Variants in DNASE1 observed in about 807,000 individuals in gnomAD.
DNASE1 encodes deoxyribonuclease 1.
Under a neutral mutation model 33.9 loss-of-function variants are expected in DNASE1, and 40 were observed. The ratio of observed to expected loss-of-function variants is 1.18; its 90% CI spans 0.92 to 1.54. The LOEUF (loss-of-function observed/expected upper bound fraction) is 1.54. Ranked by LOEUF, DNASE1 falls within the 40% of genes most tolerant of loss-of-function variation. DNASE1 has a pLI of 0.00. For synonymous variants in DNASE1, 216 were observed against 160.0 expected (o/e 1.35, Z -2.64); for missense variants, 518 against 372.6 (o/e 1.39, Z -3.21).
chr16:3,656,801 C>T (rs2042675948), intron 5 of DNASE1, 48 bp downstream of exon 5: 3 of 1,556,062 alleles, frequency 1.9e-6, no homozygotes, highest in Non-Finnish European at 8.7e-7. Flanking sequence ...CGCTTATGGC[C>T]TCCACCCCCT....
In DNASE1 at chr16:3,664,038, G is replaced by C. The variant is rs1596694785; in HGVS notation, c.*6085G>C. On this transcript the variant is annotated 3_prime_UTR_variant, in exon 10 of 10. Coordinates refer to the DNASE1 transcript ENST00000407479. ...AGATCGCACCACTGCACTCTAGCCT[G>C]GGCGAGAGAGCAAGACTCCATCTCA... 3 of 474,948 alleles carry C rather than the reference G, an allele frequency of 6.3e-6. No individual in the cohort carries two copies. The East Asian group carries it at 1.2e-4, about 18-fold the overall frequency. The allele number at this position is 474,948 out of a possible 1,614,324, so 29.4% of individuals were successfully genotyped here.
At chr16:3,647,105 G>A (rs889918260) in intron 1 of DNASE1, among the ~76,000 whole-genome samples, 5 of 152,154 alleles carry the variant, frequency 3.3e-5, no homozygotes, top group South Asian at 2.1e-4. Context: ...GTGACCAGAC[G>A]GTGTTTCTAA....
upstream of DNASE1, chr16:3,654,374 A>G (rs935214971): frequency 2.5e-6 from 1 of 398,784 alleles, no homozygotes. Flanking sequence ...CCTCCTGCAG[A>G]GTTGCCTGCA....
intron 1 of DNASE1, among the ~76,000 whole-genome samples, chr16:3,624,556 A>G (rs1182846817): frequency 2.0e-5 from 3 of 152,190 alleles, no homozygotes; most frequent in Non-Finnish European, 4.4e-5. Flanking sequence ...ACTGTGTACT[A>G]TACCTGGAGC....
intron 1 of DNASE1, among the ~76,000 whole-genome samples, chr16:3,633,416 T>C (rs1316196687): frequency 3.3e-5 from 5 of 152,078 alleles, no homozygotes; most frequent in Non-Finnish European, 7.4e-5. Context: ...AGACCAGCCT[T>C]GCTAACATGG....
downstream of DNASE1, chr16:3,662,485 G>C: frequency 1.9e-6 from 1 of 520,826 alleles, no homozygotes; most frequent in Non-Finnish European, 3.5e-6. Context: ...AGCTAGACAG[G>C]TTGGTGGGGG....
At chr16:3,663,925 T>C (rs576010439) in exon 10 of DNASE1, 62 of 358,622 alleles carry the variant, frequency 1.7e-4, no homozygotes, top group African/African-American at 1.1e-3. Flanking sequence ...TTGCTGGGTG[T>C]GGTGGTGTGC....
intron 1 of DNASE1, among the ~76,000 whole-genome samples, chr16:3,624,308 G>C (rs2041428780): frequency 1.3e-5 from 2 of 151,514 alleles, no homozygotes; most frequent in African/African-American, 4.8e-5. Flanking sequence ...TGTGTCCTTG[G>C]TTAGCAAGGT....
chr16:3,651,170 T>C (rs960081089), upstream of DNASE1: 3 of 152,220 alleles, frequency 2.0e-5, no homozygotes, highest in African/African-American at 7.2e-5. Flanking sequence ...CCACCAGCGT[T>C]CCTTTGAGGC....
intron 1 of DNASE1, among the ~76,000 whole-genome samples, chr16:3,618,718 A>T (rs950993957): frequency 6.6e-6 from 1 of 152,216 alleles, no homozygotes; most frequent in African/African-American, 2.4e-5. Context: ...AACAAGAATG[A>T]AACTCCGTCA....
At chr16:3,615,699 A>T (rs2041076854) in intron 1 of DNASE1, among the ~76,000 whole-genome samples, 1 of 152,142 alleles carries the variant, frequency 6.6e-6, no homozygotes, top group African/African-American at 2.4e-5. Flanking sequence ...TTCCAAATAG[A>T]TGTGCTGTTT....
At chr16:3,615,682 T>A (rs1333211679) in intron 1 of DNASE1, among the ~76,000 whole-genome samples, 2 of 152,176 alleles carry the variant, frequency 1.3e-5, no homozygotes, top group East Asian at 3.8e-4. Flanking sequence ...ATGAAAAAAC[T>A]GTGTTATTCC....
chr16:3,634,390 G>A (rs1040699522), intron 1 of DNASE1, among the ~76,000 whole-genome samples: 3 of 151,144 alleles, frequency 2.0e-5, no homozygotes, highest in Non-Finnish European at 1.5e-5. Flanking sequence ...CACCATGCCC[G>A]GCTCATTTTT....
intron 2 of DNASE1, 34 bp downstream of exon 2, chr16:3,655,554 G>A (rs941339218): frequency 6.2e-6 from 10 of 1,613,596 alleles, no homozygotes; most frequent in Non-Finnish European, 8.5e-6. Flanking sequence ...CAAAAGCAGA[G>A]GAGCTCTGGA....
intron 1 of DNASE1, among the ~76,000 whole-genome samples, chr16:3,648,104 G>T (rs1319219107): frequency 2.0e-5 from 3 of 152,168 alleles, no homozygotes; most frequent in Admixed American, 6.5e-5. Context: ...GGAGGCCGGA[G>T]GTTGCAGTGA....
In DNASE1 at chr16:3,656,123, C is replaced by T. The variant is rs2042595571; in HGVS notation, c.258C>T (p.His86=). 1.9e-6 allele frequency: 3 copies of T among 1,614,118 alleles called. No homozygotes were observed. The East Asian group carries it at 6.7e-5, about 36-fold the overall frequency. ...NLNQDAPDTY[H]YVVSEPLGRN... Reference sequence around the variant, plus strand: ...CCAGGGATGCACCAGACACCTATCACTACGTGGTCAGTGAGCCACTGGGAC... The same window carrying T: ...CCAGGGATGCACCAGACACCTATCATTACGTGGTCAGTGAGCCACTGGGAC... Residue 86 remains histidine, a synonymous_variant, in exon 4 of 9, where the codon CAC becomes CAT. Transcript: ENST00000246949.
At chr16:3,612,519 G>A (rs894560848) in intron 1 of DNASE1, among the ~76,000 whole-genome samples, 2 of 150,160 alleles carry the variant, frequency 1.3e-5, no homozygotes, top group Non-Finnish European at 3.0e-5. Context: ...CCAAAGTGGT[G>A]GGATTACAGG....
chr16:3,653,303 C>G (rs1465124941), upstream of DNASE1: 1 of 152,198 alleles, frequency 6.6e-6, no homozygotes, highest in Non-Finnish European at 1.5e-5. Flanking sequence ...TGACTTCAGA[C>G]GTCCAGTCTC....
chr16:3,625,942 A>G (rs2041495393), intron 1 of DNASE1, among the ~76,000 whole-genome samples: 1 of 152,138 alleles, frequency 6.6e-6, no homozygotes, highest in Non-Finnish European at 1.5e-5. Flanking sequence ...TGAACAAACA[A>G]TTTAAAAATT....
Sources: allele counts gnomAD v4.1 joint callset (sites outside exome capture counted in the v4.1 genomes callset), GRCh38; gene constraint gnomAD v4.1.1; transcripts MANE v1.5; gene names NCBI Gene and HGNC (gene_info 2026-07-23, HGNC 2026-07-21).